Variants in LRBA observed in about 807,000 individuals in gnomAD.
LRBA encodes the protein LPS responsive beige-like anchor protein.
A neutral mutation model predicts 330.0 loss-of-function variants in LRBA; 176 were observed. The ratio of observed to expected loss-of-function variants is 0.53; its 90% confidence interval spans 0.47 to 0.60. The LOEUF (loss-of-function observed/expected upper bound fraction) is 0.60, where lower values mean the gene tolerates loss of function less well. Among genes scored for constraint, LRBA ranks in the 20% least tolerant of loss-of-function variants. The pLI is 0.00. For synonymous variants in LRBA, 1,230 were observed against 1,193.0 expected (o/e 1.03, Z -0.64); for missense variants, 3,259 against 3,444.8 (o/e 0.95, Z 1.35).
intron 36 of LRBA, among the ~76,000 whole-genome samples, chr4:150,684,435 C>T (rs761203839): frequency 1.3e-5 from 2 of 152,094 alleles, no homozygotes; most frequent in South Asian, 2.1e-4. Flanking sequence ...GAGTCTCAGG[C>T]CCCACCCCAA....
At chr4:150,289,843 T>C (rs1238073731) in intron 53 of LRBA, among the ~76,000 whole-genome samples, 1 of 152,240 alleles carries the variant, frequency 6.6e-6, no homozygotes, top group African/African-American at 2.4e-5. Flanking sequence ...ATATATGATA[T>C]GGGATTTAAA....
chr4:150,741,177 A>G (rs1011814406), intron 35 of LRBA, among the ~76,000 whole-genome samples: 1 of 152,154 alleles, frequency 6.6e-6, no homozygotes, highest in Non-Finnish European at 1.5e-5. Context: ...AACTACATCA[A>G]AATTTAAAGA....
At chr4:150,836,479 G>A (rs2126849823) in intron 28 of LRBA, among the ~76,000 whole-genome samples, 1 of 152,262 alleles carries the variant, frequency 6.6e-6, no homozygotes, top group Admixed American at 6.5e-5. Context: ...CAATTTCAGA[G>A]CCTGCTATTG....
At chr4:150,309,541 A>G (rs1730786852) in intron 52 of LRBA, among the ~76,000 whole-genome samples, 1 of 152,174 alleles carries the variant, frequency 6.6e-6, no homozygotes, top group South Asian at 2.1e-4. Context: ...AAATATTTTA[A>G]GGGACACCAT....
chr4:150,890,343 T>C (rs1241695121), intron 17 of LRBA, among the ~76,000 whole-genome samples: 2 of 152,184 alleles, frequency 1.3e-5, no homozygotes, highest in Non-Finnish European at 2.9e-5. Context: ...CCTAGACTAA[T>C]CTAGGATCAG....
At chr4:150,305,885 A>G (rs181220376) in intron 52 of LRBA, among the ~76,000 whole-genome samples, 10 of 152,312 alleles carry the variant, frequency 6.6e-5, no homozygotes, top group Admixed American at 1.3e-4. Flanking sequence ...ATCACAGCAT[A>G]TAAATACCTG....
chr4:150,697,481 T>G (rs1784753258), intron 36 of LRBA, among the ~76,000 whole-genome samples: 1 of 151,948 alleles, frequency 6.6e-6, no homozygotes. Flanking sequence ...AATGCATTTT[T>G]TTAAGCAAAG....
intron 35 of LRBA, among the ~76,000 whole-genome samples, chr4:150,751,006 C>G (rs1004772113): frequency 2.0e-5 from 3 of 151,648 alleles, no homozygotes; most frequent in African/African-American, 7.3e-5. Flanking sequence ...AGGCTATACC[C>G]CATCATTATT....
intron 36 of LRBA, among the ~76,000 whole-genome samples, chr4:150,697,305 C>T (rs1318348269): frequency 1.0e-5 from 1 of 98,096 alleles, no homozygotes; most frequent in African/African-American, 4.3e-5. Flanking sequence ...GCCTGGGTGA[C>T]AGAGTGAGAC....
intron 40 of LRBA, among the ~76,000 whole-genome samples, chr4:150,527,693 A>G (rs1763621944): frequency 6.6e-6 from 1 of 152,204 alleles, no homozygotes; most frequent in Non-Finnish European, 1.5e-5. Context: ...TGCTCTTCTA[A>G]GCTCTATCTT....
At chr4:150,697,325 G>GGAAAAA (rs1554081715) in intron 36 of LRBA, among the ~76,000 whole-genome samples, 4 of 28,054 alleles carry the variant, frequency 1.4e-4, no homozygotes, top group Non-Finnish European at 1.9e-4. Flanking sequence ...CTTTGTCTCA[G>GGAAAAA]AAAAAAAAAA....
chr4:150,577,179 T>C (rs1770651900), intron 40 of LRBA, among the ~76,000 whole-genome samples: 1 of 151,994 alleles, frequency 6.6e-6, no homozygotes, highest in East Asian at 1.9e-4. Flanking sequence ...AATGTAGTTT[T>C]ACTGTGACTT....
intron 37 of LRBA, among the ~76,000 whole-genome samples, chr4:150,637,591 T>C (rs1197577882): frequency 6.6e-6 from 1 of 152,188 alleles, no homozygotes; most frequent in Non-Finnish European, 1.5e-5. Flanking sequence ...TCCTCTCTCT[T>C]GATGGCTTTG....
At chr4:150,943,408 T>C (rs1387070378) in intron 2 of LRBA, among the ~76,000 whole-genome samples, 4 of 152,324 alleles carry the variant, frequency 2.6e-5, no homozygotes, top group African/African-American at 9.6e-5. Flanking sequence ...AGAGATTTTT[T>C]CATAAATAGC....
At chr4:150,922,374 G>A (rs1387732653) in intron 4 of LRBA, among the ~76,000 whole-genome samples, 1 of 137,130 alleles carries the variant, frequency 7.3e-6, no homozygotes, top group East Asian at 2.1e-4. Context: ...ATCAATCAAC[G>A]AGTGGATAAA....
intron 37 of LRBA, among the ~76,000 whole-genome samples, chr4:150,622,933 G>A (rs890657125): frequency 6.6e-6 from 1 of 152,156 alleles, no homozygotes; most frequent in Non-Finnish European, 1.5e-5. Flanking sequence ...TCCTGACCTC[G>A]TGATCCACCC....
At chr4:150,282,141 T>C (rs1381933435) in intron 55 of LRBA, among the ~76,000 whole-genome samples, 2 of 152,164 alleles carry the variant, frequency 1.3e-5, no homozygotes, top group African/African-American at 4.8e-5. Context: ...TGCATTTTCT[T>C]AGAAAAAAAG....
At chr4:150,660,638 C>T (rs1395182025) in intron 37 of LRBA, among the ~76,000 whole-genome samples, 8 of 138,738 alleles carry the variant, frequency 5.8e-5, no homozygotes, top group African/African-American at 1.3e-4. Context: ...GCGGGAAAGG[C>T]GGGGAAAAGA....
rs527989338 is a variant in LRBA, at chr4:150,925,778, T to A, written c.549+2738A>T. Among the ~76,000 whole-genome samples, 997 of 152,236 alleles carry A rather than the reference T, an allele frequency of 6.5e-3. 13 individuals are homozygous for A. Among genetic ancestry groups the A allele is most frequent in the African/African-American group, 0.019 (803 of 41,544 alleles). On this transcript the variant is annotated intron_variant, in intron 4 of 56. Coordinates refer to ENST00000651943, the MANE Select transcript of LRBA (RefSeq NM_001364905.1). ...TGCTTATGAATATAATAAAAATACA[T>A]TACATATTCAGAATAAATAATGTGA... is the stretch of plus-strand genomic sequence containing the variant.
Sources: allele counts gnomAD v4.1 joint callset (sites outside exome capture counted in the v4.1 genomes callset), GRCh38; gene constraint gnomAD v4.1.1; transcripts MANE v1.5; gene names NCBI Gene and HGNC (gene_info 2026-07-23, HGNC 2026-07-21).